LDB2: variants seen among roughly 807,000 people sequenced by gnomAD.
The protein encoded by LDB2 is LIM domain-binding protein 2.
In LDB2, 12 loss-of-function variants were observed where a neutral mutation model predicts 44.3. That is an observed-to-expected ratio of 0.27 (90% CI 0.17 to 0.44). The LOEUF is 0.44. Ranked by LOEUF, LDB2 falls within the 20% of genes least tolerant of loss-of-function variation. The pLI is 1.00. For missense variants in LDB2, 344 were observed against 473.5 expected (o/e 0.73, Z 2.54); for synonymous variants, 164 against 174.8 (o/e 0.94, Z 0.49).
At chr4:16,818,812 G>T (rs942866874) in intron 1 of LDB2, among the ~76,000 whole-genome samples, 25 of 152,078 alleles carry the variant, frequency 1.6e-4, no homozygotes, top group African/African-American at 5.3e-4. Context: ...CCATTGATGG[G>T]GATAAAGACA....
In LDB2 at chr4:16,833,154, A is replaced by T. The variant is rs529957127; in HGVS notation, c.132+65200T>A. ...AGAAATCAAATATGCTTACTCAATT[A>T]TAACTAGAAAAGCTAGGTCTGTCTA... On this transcript the variant is annotated intron_variant, in intron 1 of 7. Transcript: ENST00000304523. Among the ~76,000 whole-genome samples, 16 of 152,358 alleles carry T rather than the reference A, an allele frequency of 1.1e-4. No homozygotes were observed. In the South Asian group the frequency reaches 3.3e-3, roughly 32 times the overall value.
At chr4:16,517,350 T>TA (rs34104527) in intron 5 of LDB2, among the ~76,000 whole-genome samples, 84 of 151,880 alleles carry the variant, frequency 5.5e-4, no homozygotes, top group African/African-American at 2.0e-3. Context: ...CACATACACA[T>TA]AAAAAAAACA....
chr4:16,772,924 G>A (rs1156487837), intron 1 of LDB2, among the ~76,000 whole-genome samples: 1 of 152,238 alleles, frequency 6.6e-6, no homozygotes, highest in East Asian at 1.9e-4. Flanking sequence ...CAGTGGGACA[G>A]AATGGAGAAC....
At chr4:16,592,467 T>TACATAC (rs1553917139) in intron 3 of LDB2, among the ~76,000 whole-genome samples, 72 of 38,470 alleles carry the variant, frequency 1.9e-3, no homozygotes, top group African/African-American at 8.0e-3. Flanking sequence ...TATACATACA[T>TACATAC]ATATATATAT....
chr4:16,872,866 A>G (rs537716339), intron 1 of LDB2, among the ~76,000 whole-genome samples: 3 of 152,350 alleles, frequency 2.0e-5, no homozygotes, highest in African/African-American at 7.2e-5. Flanking sequence ...TGAGCTCTGC[A>G]AGCAAAGCAA....
Position 16,505,751 on chromosome 4 carries a change from C to T in LDB2, c.891+2784G>A, listed in dbSNP as rs1719157702. On this transcript the variant is annotated intron_variant, in intron 7 of 7. Transcript: ENST00000304523. Reference sequence around the variant, plus strand: ...TGCCCTCAGCTCCCCACAAGGCCAACTTCTGCTCCTTGCTGGAAGCCCGGA... The same window carrying T: ...TGCCCTCAGCTCCCCACAAGGCCAATTTCTGCTCCTTGCTGGAAGCCCGGA... The T allele has an allele frequency of 1.0e-5, 14 of 1,375,234 alleles. No homozygotes were observed. In the South Asian group the frequency reaches 1.8e-4, roughly 18 times the overall value. 85.2% of individuals were successfully genotyped at this position (1,375,234 alleles called of 1,614,324 possible).
chr4:16,839,924 T>C (rs952998296), intron 1 of LDB2, among the ~76,000 whole-genome samples: 4 of 152,160 alleles, frequency 2.6e-5, no homozygotes, highest in African/African-American at 9.7e-5. Flanking sequence ...TACACACACA[T>C]GCACATTTTG....
At chr4:16,763,932 G>A (rs536451094) in intron 1 of LDB2, among the ~76,000 whole-genome samples, 13 of 151,402 alleles carry the variant, frequency 8.6e-5, no homozygotes, top group African/African-American at 1.2e-4. Flanking sequence ...GAAACTGCCC[G>A]GCATATAGTA....
rs529021253 is a variant in LDB2 at position 16,715,472 on chromosome 4, A to G, written c.235+43686T>C. Among the ~76,000 whole-genome samples the G allele has an allele frequency of 1.1e-4, 16 of 152,244 alleles. No homozygotes were observed. In the South Asian group the frequency reaches 3.3e-3, roughly 32 times the overall value. On this transcript the variant is annotated intron_variant, in intron 2 of 7. Transcript: ENST00000304523. ...GCTTTTCTTGCTAAAATTAGCAATG[A>G]CTCTTCTCTATATTAGACCTAATTT...
intron 2 of LDB2, among the ~76,000 whole-genome samples, chr4:16,632,678 ACCC>A (rs896978147): frequency 1.8e-4 from 27 of 152,044 alleles, no homozygotes; most frequent in Admixed American, 2.0e-4. Context: ...TACTTAGAAA[ACCC>A]CATCCTCTCA....
intron 2 of LDB2, among the ~76,000 whole-genome samples, chr4:16,659,945 T>C (rs1741090260): frequency 6.6e-6 from 1 of 152,088 alleles, no homozygotes; most frequent in South Asian, 2.1e-4. Flanking sequence ...AACACAATTA[T>C]TTGAAAATGT....
intron 1 of LDB2, among the ~76,000 whole-genome samples, chr4:16,877,400 CA>C (rs1327886079): frequency 6.6e-6 from 1 of 152,118 alleles, no homozygotes; most frequent in Non-Finnish European, 1.5e-5. Context: ...TGATTATTGC[CA>C]TTTAACAGAT....
chr4:16,723,138 GT>G (rs1476864378), intron 2 of LDB2, among the ~76,000 whole-genome samples: 2 of 152,170 alleles, frequency 1.3e-5, no homozygotes, highest in African/African-American at 4.8e-5. Context: ...TGATGACAAA[GT>G]TTTTGAGAAA....
intron 5 of LDB2, among the ~76,000 whole-genome samples, chr4:16,544,348 G>A (rs1205494808): frequency 6.6e-6 from 1 of 152,216 alleles, no homozygotes. Flanking sequence ...GCTTGGGGGA[G>A]TGATGGAGAC....
At chr4:16,504,437 T>A (rs562483765) in intron 7 of LDB2, among the ~76,000 whole-genome samples, 1 of 152,300 alleles carries the variant, frequency 6.6e-6, no homozygotes, top group Admixed American at 6.5e-5. Context: ...AAAATGATTT[T>A]AAAAAGAAAT....
chr4:16,582,422 C>T lies in LDB2; in HGVS notation c.615+3500G>A, dbSNP rs185623227. 6.6e-6 allele frequency among the ~76,000 whole-genome samples: 1 copy of T among 152,302 alleles called. No homozygotes were observed. Among genetic ancestry groups the T allele is most frequent in the East Asian group, 1.9e-4 (1 of 5,174 alleles). On this transcript the variant is annotated intron_variant, in intron 5 of 7. Transcript: ENST00000304523. This position sits in a 1 kb window ranked among gnomAD's most constrained non-coding sequence, Gnocchi z 4.8. ...ATAAAATGCCAGGCGGACAACAGGA[C>T]TTCTGCTTCCCAACAAACAAGGCAA... is the stretch of plus-strand genomic sequence containing the variant.
intron 1 of LDB2, among the ~76,000 whole-genome samples, chr4:16,870,961 C>T (rs1246459831): frequency 6.6e-6 from 1 of 152,138 alleles, no homozygotes; most frequent in Non-Finnish European, 1.5e-5. Context: ...CCCAAAAAGC[C>T]TATCTCTGAT....
chr4:16,531,216 G>C (rs1245454807), intron 5 of LDB2, among the ~76,000 whole-genome samples: 1 of 152,216 alleles, frequency 6.6e-6, no homozygotes, highest in Non-Finnish European at 1.5e-5. Context: ...TTATCCCTCT[G>C]TCTGGTACAC....
At chr4:16,696,099 G>A (rs1490394684) in intron 2 of LDB2, among the ~76,000 whole-genome samples, 3 of 152,232 alleles carry the variant, frequency 2.0e-5, no homozygotes, top group Non-Finnish European at 2.9e-5. Flanking sequence ...GCCTTGGGGA[G>A]AGAGGAAAGT....
Sources: gnomAD v4.1 joint callset for allele counts (sites outside exome capture counted in the v4.1 genomes callset) on GRCh38, gnomAD v4.1.1 for gene constraint, Gnocchi (gnomAD v3.1) non-coding constraint, MANE v1.5 for transcripts, NCBI Gene and HGNC (gene_info 2026-07-23, HGNC 2026-07-21) for gene names.